The following SPAG16 variants were observed in gnomAD, a reference collection of about 807,000 sequenced individuals.
The protein encoded by SPAG16 is sperm-associated antigen 16 protein.
Under a neutral mutation model 80.4 loss-of-function variants are expected in SPAG16, and 86 were observed. The ratio of observed to expected loss-of-function variants is 1.07; its 90% CI spans 0.90 to 1.28. The LOEUF is 1.28. Ranked by LOEUF, SPAG16 falls within the 50% of genes most tolerant of loss-of-function variation. The pLI, the probability that SPAG16 is intolerant of heterozygous loss-of-function variation, is 0.00. For synonymous variants in SPAG16, 294 were observed against 265.9 expected (o/e 1.11, Z -1.03); for missense variants, 870 against 765.3 (o/e 1.14, Z -1.61).
Position 213,319,394 on chromosome 2 carries a change from A to G in SPAG16, c.536+2038A>G, listed in dbSNP as rs757156850. Among the ~76,000 whole-genome samples the G allele has an allele frequency of 8.0e-4, 121 of 152,028 alleles. 1 individual carries two copies. Among genetic ancestry groups the G allele is most frequent in the Non-Finnish European group, 1.1e-3 (75 of 67,838 alleles). ...TCTGTACTTGTAGAAATGTTTTTGC[A>G]AGGTATATAAATTTTGTATTGTCTA... On this transcript the variant is annotated intron_variant, in intron 5 of 15. Transcript: ENST00000331683.
Position 213,819,000 on chromosome 2 carries a change from CCTGA to C in SPAG16, c.1071-43482_1071-43479del, listed in dbSNP as rs144442631. 9.6e-3 allele frequency among the ~76,000 whole-genome samples: 1,460 copies of C among 151,786 alleles called. 28 individuals carry two copies. The highest frequency in any genetic ancestry group is 0.03 in the African/African-American group (1,253 of 41,510). ...ATAGTAACTTCATAGCAGTGTGAAACCTGACTAAGTATTAAAAGTGTACATTCAT... is the reference window on the plus strand; with the variant it reads ...ATAGTAACTTCATAGCAGTGTGAAACCTAAGTATTAAAAGTGTACATTCAT... On this transcript the variant is annotated intron_variant, in intron 10 of 15. Transcript: ENST00000331683.
chr2:214,101,998 G>A (rs1017857139), intron 13 of SPAG16, among the ~76,000 whole-genome samples: 3 of 151,922 alleles, frequency 2.0e-5, no homozygotes, highest in Non-Finnish European at 4.4e-5. Context: ...AAGCAAAGGT[G>A]TTGGGGAATA....
chr2:214,331,024 C>T (rs770023449), intron 15 of SPAG16, among the ~76,000 whole-genome samples: 5 of 152,170 alleles, frequency 3.3e-5, no homozygotes, highest in Non-Finnish European at 5.9e-5. Context: ...CCTGAGGTTA[C>T]TCATTGATTC....
intron 12 of SPAG16, among the ~76,000 whole-genome samples, chr2:213,953,626 AT>A (rs1199828753): frequency 6.6e-6 from 1 of 151,896 alleles, no homozygotes; most frequent in African/African-American, 2.4e-5. Flanking sequence ...AAAGAAAAAA[AT>A]TTTTAAATTA....
intron 11 of SPAG16, among the ~76,000 whole-genome samples, chr2:213,878,312 T>G (rs4673767): frequency 0.59 from 90,274 of 151,948 alleles, 28,739 homozygotes; most frequent in South Asian, 0.85. Context: ...GTATAAGCAT[T>G]TCTTTTCCTT....
rs76502307 is a variant in SPAG16 at position 214,301,788 on chromosome 2, T to C, written c.1721-108352T>C. 3.3e-5 allele frequency among the ~76,000 whole-genome samples: 5 copies of C among 152,258 alleles called. No homozygotes were observed. The East Asian group carries it at 9.6e-4, about 29-fold the overall frequency. ...TTATTTCAGTCTCATTTATTTCTCCTCTGATCATTATTATCTCTTCTTCTG... is the reference window on the plus strand; with the variant it reads ...TTATTTCAGTCTCATTTATTTCTCCCCTGATCATTATTATCTCTTCTTCTG... On this transcript the variant is annotated intron_variant, in intron 15 of 15. Coordinates refer to ENST00000331683, the MANE Select transcript of SPAG16 (RefSeq NM_024532.5).
intron 15 of SPAG16, among the ~76,000 whole-genome samples, chr2:214,289,543 T>C (rs116095108): frequency 0.026 from 3,935 of 152,286 alleles, 67 homozygotes; most frequent in South Asian, 0.044. Flanking sequence ...TGGCAATAAA[T>C]ATATGGATTT....
chr2:214,395,907 A>G (rs556962317), intron 15 of SPAG16, among the ~76,000 whole-genome samples: 11 of 152,244 alleles, frequency 7.2e-5, no homozygotes, highest in African/African-American at 2.4e-4. Context: ...TATATGTACC[A>G]ATTTTTCTTT....
chr2:214,132,560 TTG>T (rs2054832020), intron 14 of SPAG16, among the ~76,000 whole-genome samples: 1 of 152,174 alleles, frequency 6.6e-6, no homozygotes, highest in African/African-American at 2.4e-5. Flanking sequence ...AAGGAATACA[TTG>T]TGTCACTTAG....
At chr2:213,834,009 G>A (rs1157932544) in intron 10 of SPAG16, among the ~76,000 whole-genome samples, 3 of 152,104 alleles carry the variant, frequency 2.0e-5, no homozygotes, top group Middle Eastern at 3.4e-3. Flanking sequence ...AAATCGAATC[G>A]TGGGGGCTGG....
chr2:213,948,730 A>T (rs2079577528), intron 12 of SPAG16, among the ~76,000 whole-genome samples: 1 of 152,114 alleles, frequency 6.6e-6, no homozygotes, highest in Admixed American at 6.6e-5. Context: ...ATGCCATATT[A>T]TTTTATTCTC....
At chr2:213,660,956 A>T (rs991029810) in intron 10 of SPAG16, among the ~76,000 whole-genome samples, 9 of 152,084 alleles carry the variant, frequency 5.9e-5, no homozygotes, top group Non-Finnish European at 1.3e-4. Flanking sequence ...CAGTCTCCAT[A>T]CTAGCATCGG....
At chr2:213,743,311 G>C (rs755369898) in intron 10 of SPAG16, among the ~76,000 whole-genome samples, 17 of 152,138 alleles carry the variant, frequency 1.1e-4, no homozygotes, top group Non-Finnish European at 1.8e-4. Context: ...CTAGTGCTTA[G>C]AACAATGCCT....
At position 214,082,363 on chromosome 2, in the gene SPAG16, C is replaced by A. The variant is rs116630331; in HGVS notation, c.1528-25833C>A. ...TGTCTGAAACCCAAAGACACAAGAT[C>A]TTTTACCTTCTCCTCCACTTCTTAC... On this transcript the variant is annotated intron_variant, in intron 13 of 15. Transcript: ENST00000331683. 6.0e-3 allele frequency among the ~76,000 whole-genome samples: 920 copies of A among 152,264 alleles called. 7 individuals carry two copies. The highest frequency in any genetic ancestry group is 0.021 in the African/African-American group (893 of 41,550).
At chr2:214,164,515 G>C (rs542003756) in intron 15 of SPAG16, among the ~76,000 whole-genome samples, 58 of 152,210 alleles carry the variant, frequency 3.8e-4, no homozygotes, top group African/African-American at 1.4e-3. Context: ...GATTGGATAA[G>C]GAAAACTATG....
At chr2:213,772,547 T>C (rs2069314106) in intron 10 of SPAG16, among the ~76,000 whole-genome samples, 1 of 152,196 alleles carries the variant, frequency 6.6e-6, no homozygotes, top group Admixed American at 6.5e-5. Flanking sequence ...TGTAGTACTC[T>C]TGCGAAAAGA....
intron 10 of SPAG16, among the ~76,000 whole-genome samples, chr2:213,669,962 T>G (rs2063754879): frequency 6.6e-6 from 1 of 152,026 alleles, no homozygotes; most frequent in African/African-American, 2.4e-5. Flanking sequence ...AATGGAGGCT[T>G]TTTTCTTCTA....
intron 10 of SPAG16, among the ~76,000 whole-genome samples, chr2:213,744,460 C>G (rs1228601710): frequency 1.3e-5 from 2 of 152,098 alleles, no homozygotes; most frequent in African/African-American, 4.8e-5. Context: ...ATAAGGAATT[C>G]TGTCTTTACT....
At chr2:213,489,327 A>C (rs367707736) in intron 9 of SPAG16, among the ~76,000 whole-genome samples, 2 of 152,088 alleles carry the variant, frequency 1.3e-5, no homozygotes, top group South Asian at 4.1e-4. Flanking sequence ...CTACTTTCTC[A>C]TGGACTGAAA....
Sources: gnomAD v4.1 joint callset for allele counts (sites outside exome capture counted in the v4.1 genomes callset) on GRCh38, gnomAD v4.1.1 for gene constraint, MANE v1.5 for transcripts, NCBI Gene and HGNC (gene_info 2026-07-23, HGNC 2026-07-21) for gene names.